PCDH9: variants seen among roughly 807,000 people sequenced by gnomAD.
The protein encoded by PCDH9 is protocadherin 9.
A neutral mutation model predicts 70.6 loss-of-function variants in PCDH9; 24 were observed. That is an observed-to-expected ratio of 0.34 (90% confidence interval 0.25 to 0.48). PCDH9 has a LOEUF of 0.48. Among genes scored for constraint, PCDH9 ranks in the 20% least tolerant of loss-of-function variants. The pLI, the probability that PCDH9 is intolerant of heterozygous loss-of-function variation, is 0.99. For missense variants in PCDH9, 1,281 were observed against 1,503.6 expected, an observed-to-expected ratio of 0.85 and a Z score of 2.45; for synonymous variants, 562 against 558.5, an observed-to-expected ratio of 1.01 and a Z score of -0.09.
chr13:67,029,264 A>C lies in PCDH9; in HGVS notation c.3037-125659T>G, dbSNP rs528515359. On this transcript the variant is annotated intron_variant, in intron 2 of 4. Transcript: ENST00000377865. ...TACATGAGATTTATATGTGAAAACT[A>C]AGAAGTATGAGAAAAATATAATGTG... Among the ~76,000 whole-genome samples the C allele has an allele frequency of 2.3e-4, 35 of 152,292 alleles. 1 individual carries two copies. The highest frequency in any genetic ancestry group is 5.9e-4 in the Admixed American group (9 of 15,282).
chr13:66,964,338 TG>T (rs1424606977), intron 2 of PCDH9, among the ~76,000 whole-genome samples: 1 of 151,638 alleles, frequency 6.6e-6, no homozygotes, highest in Non-Finnish European at 1.5e-5. Context: ...ACAAATCTAA[TG>T]GTATTAGTAA....
chr13:66,377,964 T>C (rs1316848998), intron 4 of PCDH9, among the ~76,000 whole-genome samples: 1 of 152,192 alleles, frequency 6.6e-6, no homozygotes, highest in Non-Finnish European at 1.5e-5. Flanking sequence ...ATTTCAGTAA[T>C]AGTTCCAATT....
intron 4 of PCDH9, among the ~76,000 whole-genome samples, chr13:66,377,107 C>T (rs1212466284): frequency 6.6e-6 from 1 of 152,134 alleles, no homozygotes; most frequent in Non-Finnish European, 1.5e-5. Flanking sequence ...TAAGAAATCA[C>T]CATATCTGTG....
rs768583124 is a variant in PCDH9, at chr13:66,803,693, G to T, written c.3138+99811C>A. Among the ~76,000 whole-genome samples the T allele has an allele frequency of 1.9e-3, 283 of 152,204 alleles. 2 individuals carry two copies. Among genetic ancestry groups the T allele is most frequent in the Admixed American group, 2.1e-3 (32 of 15,284 alleles). On this transcript the variant is annotated intron_variant, in intron 3 of 4. Transcript: ENST00000377865. The stretch of plus-strand genomic sequence containing the variant: ...ATTACAATAATGATTCATTTCATAT[G>T]CATATTGCAAAAAGGTTTAGAGACT...
intron 2 of PCDH9, among the ~76,000 whole-genome samples, chr13:66,980,082 AT>A (rs2083708503): frequency 2.9e-4 from 18 of 61,048 alleles, no homozygotes; most frequent in Admixed American, 2.8e-3. Context: ...ATCCATCTCT[AT>A]CTATCTATCT....
chr13:66,548,119 C>A (rs1049165695), intron 4 of PCDH9, among the ~76,000 whole-genome samples: 3 of 151,368 alleles, frequency 2.0e-5, no homozygotes, highest in Non-Finnish European at 4.4e-5. Flanking sequence ...TTGTGGTATG[C>A]CAAAACTTAA....
At chr13:66,817,811 A>T (rs561963789) in intron 3 of PCDH9, among the ~76,000 whole-genome samples, 1 of 152,134 alleles carries the variant, frequency 6.6e-6, no homozygotes, top group African/African-American at 2.4e-5. Flanking sequence ...AATTTTTTGT[A>T]GAGACAGGGT....
At chr13:66,623,440 TC>T (rs1419653894) in intron 4 of PCDH9, among the ~76,000 whole-genome samples, 4 of 151,982 alleles carry the variant, frequency 2.6e-5, no homozygotes, top group South Asian at 2.1e-4. Context: ...TTTTTCTTTT[TC>T]TTTTTTTTTT....
chr13:67,191,233 CTACTT>C (rs992232628), intron 2 of PCDH9, among the ~76,000 whole-genome samples: 1 of 152,062 alleles, frequency 6.6e-6, no homozygotes, highest in African/African-American at 2.4e-5. Context: ...AATTTTATAA[CTACTT>C]TATCTGTTTA....
chr13:67,005,389 T>C (rs2084330983), intron 2 of PCDH9, among the ~76,000 whole-genome samples: 2 of 152,236 alleles, frequency 1.3e-5, no homozygotes, highest in Admixed American at 6.5e-5. Context: ...CAACTTACTA[T>C]ATAAAAATAG....
chr13:67,150,336 C>T (rs1457935167), intron 2 of PCDH9, among the ~76,000 whole-genome samples: 2 of 152,044 alleles, frequency 1.3e-5, no homozygotes, highest in East Asian at 1.9e-4. Flanking sequence ...TGTGCCTGGC[C>T]CATAATTTGA....
At chr13:66,352,980 C>T (rs1956316649) in intron 4 of PCDH9, among the ~76,000 whole-genome samples, 1 of 152,098 alleles carries the variant, frequency 6.6e-6, no homozygotes, top group African/African-American at 2.4e-5. Flanking sequence ...ATGATCAATA[C>T]AAATGTACAT....
chr13:66,772,680 A>G (rs1220579939), intron 3 of PCDH9, among the ~76,000 whole-genome samples: 2 of 152,166 alleles, frequency 1.3e-5, no homozygotes, highest in African/African-American at 2.4e-5. Flanking sequence ...CATAAACATA[A>G]CATTTTAATA....
At chr13:66,989,167 T>C in intron 2 of PCDH9, among the ~76,000 whole-genome samples, 1 of 151,962 alleles carries the variant, frequency 6.6e-6, no homozygotes. Context: ...ATATTATATA[T>C]GTTACAAATC....
At chr13:66,567,537 A>T (rs908128305) in intron 4 of PCDH9, among the ~76,000 whole-genome samples, 4 of 152,198 alleles carry the variant, frequency 2.6e-5, no homozygotes, top group African/African-American at 9.7e-5. Context: ...ACCTCAACAA[A>T]TGATATTACA....
At chr13:66,570,207 C>T (rs908379059) in intron 4 of PCDH9, among the ~76,000 whole-genome samples, 1 of 151,952 alleles carries the variant, frequency 6.6e-6, no homozygotes, top group Non-Finnish European at 1.5e-5. Context: ...TGAAATGACA[C>T]AGTTTAAAAA....
chr13:66,876,542 C>T (rs901523953), intron 3 of PCDH9, among the ~76,000 whole-genome samples: 3 of 152,248 alleles, frequency 2.0e-5, no homozygotes, highest in Middle Eastern at 3.4e-3. Flanking sequence ...GAGGAAATGC[C>T]TGTTTATCCA....
chr13:66,738,432 C>T (rs9571640), intron 3 of PCDH9, among the ~76,000 whole-genome samples: 41,232 of 150,008 alleles, frequency 0.27, 6,169 homozygotes, highest in East Asian at 0.44. Context: ...AAACGCAGAG[C>T]GCCTCTCCTC....
At chr13:66,721,084 T>A (rs2078935863) in intron 3 of PCDH9, among the ~76,000 whole-genome samples, 1 of 152,202 alleles carries the variant, frequency 6.6e-6, no homozygotes. Context: ...AGCATTAATT[T>A]AACACAAAAA....
Sources: gnomAD v4.1 joint callset for allele counts (sites outside exome capture counted in the v4.1 genomes callset) on GRCh38, gnomAD v4.1.1 for gene constraint, MANE v1.5 for transcripts, NCBI Gene and HGNC (gene_info 2026-07-23, HGNC 2026-07-21) for gene names.